MAGI2: variants seen among roughly 807,000 people sequenced by gnomAD.
MAGI2 encodes the protein membrane associated guanylate kinase, WW and PDZ domain containing 2.
Under a neutral mutation model 133.3 loss-of-function variants are expected in MAGI2, and 35 were observed. The observed-to-expected ratio is 0.26, with a 90% CI of 0.20 to 0.35. MAGI2 has a LOEUF of 0.35. Ranked by LOEUF, MAGI2 falls within the 10% of genes least tolerant of loss-of-function variation. The probability of loss-of-function intolerance (pLI) is 1.00; values close to 1 mark genes in which losing one functional copy is unlikely to be tolerated. For synonymous variants in MAGI2, 729 were observed against 710.6 expected (o/e 1.03, Z -0.41); for missense variants, 1,636 against 1,863.4 (o/e 0.88, Z 2.25).
At chr7:78,575,112 G>A (rs1476147060) in intron 3 of MAGI2, among the ~76,000 whole-genome samples, 3 of 151,604 alleles carry the variant, frequency 2.0e-5, no homozygotes, top group Admixed American at 2.0e-4. Flanking sequence ...AACAACACAG[G>A]GTTGCCACAT....
chr7:78,985,520 C>A (rs1413126562), intron 2 of MAGI2, among the ~76,000 whole-genome samples: 3 of 151,992 alleles, frequency 2.0e-5, no homozygotes, highest in Admixed American at 6.6e-5. Flanking sequence ...AATAAAGTAC[C>A]AACCAACTGT....
At chr7:78,344,741 T>C (rs1254536525) in intron 8 of MAGI2, among the ~76,000 whole-genome samples, 1 of 152,228 alleles carries the variant, frequency 6.6e-6, no homozygotes, top group Non-Finnish European at 1.5e-5. Context: ...AATATGTTGA[T>C]AGATTCAAAT....
At chr7:79,436,089 C>G (rs1563221739) in intron 1 of MAGI2, among the ~76,000 whole-genome samples, 1 of 151,912 alleles carries the variant, frequency 6.6e-6, no homozygotes, top group African/African-American at 2.4e-5. Flanking sequence ...AAATGGATCC[C>G]TATATATTAT....
At chr7:78,780,507 A>G (rs1006952897) in intron 2 of MAGI2, among the ~76,000 whole-genome samples, 4 of 152,224 alleles carry the variant, frequency 2.6e-5, no homozygotes, top group Non-Finnish European at 5.9e-5. Context: ...TTTTCAAATT[A>G]GGCAGATTAC....
chr7:79,416,679 G>C (rs1185440711), intron 1 of MAGI2, among the ~76,000 whole-genome samples: 2 of 151,042 alleles, frequency 1.3e-5, no homozygotes, highest in Non-Finnish European at 2.9e-5. Flanking sequence ...GTAGGACACA[G>C]GGTACACAGA....
intron 2 of MAGI2, among the ~76,000 whole-genome samples, chr7:78,833,032 A>T (rs1475596876): frequency 6.6e-6 from 1 of 152,182 alleles, no homozygotes. Flanking sequence ...GGGTTAAGGC[A>T]TACTGCCTTC....
At chr7:79,012,017 T>C (rs966689110) in intron 1 of MAGI2, 1 of 151,756 alleles carries the variant, frequency 6.6e-6, no homozygotes, top group African/African-American at 2.4e-5. Context: ...TATCATTCAG[T>C]ACATGTAGTG....
chr7:79,064,586 A>C (rs1814117533), intron 1 of MAGI2, among the ~76,000 whole-genome samples: 1 of 152,004 alleles, frequency 6.6e-6, no homozygotes, highest in Non-Finnish European at 1.5e-5. Flanking sequence ...TACACATAGA[A>C]CCCTACAAGT....
chr7:78,830,759 C>T (rs921672633), intron 2 of MAGI2, among the ~76,000 whole-genome samples: 1 of 152,052 alleles, frequency 6.6e-6, no homozygotes, highest in African/African-American at 2.4e-5. Context: ...GGCAGAAAAG[C>T]TCAGAAAAGG....
chr7:78,811,941 GTGAC>G (rs1789101350), intron 2 of MAGI2, among the ~76,000 whole-genome samples: 1 of 152,180 alleles, frequency 6.6e-6, no homozygotes. Context: ...GTTGAATCTG[GTGAC>G]ATGAATTCTT....
At chr7:78,465,104 A>C (rs934936780) in intron 6 of MAGI2, among the ~76,000 whole-genome samples, 1 of 152,186 alleles carries the variant, frequency 6.6e-6, no homozygotes, top group Non-Finnish European at 1.5e-5. Context: ...CAGGCAAAAA[A>C]ACTCACAAAA....
At chr7:79,319,742 T>G (rs2129561501) in intron 1 of MAGI2, among the ~76,000 whole-genome samples, 1 of 152,292 alleles carries the variant, frequency 6.6e-6, no homozygotes, top group Non-Finnish European at 1.5e-5. Context: ...AAACTAATTT[T>G]ATTTTGCTCT....
chr7:78,432,045 G>A (rs1197799922), intron 6 of MAGI2, among the ~76,000 whole-genome samples: 4 of 151,860 alleles, frequency 2.6e-5, no homozygotes, highest in South Asian at 2.1e-4. Flanking sequence ...AAAAGCATAA[G>A]TGAAATAAAA....
Position 78,019,960 on chromosome 7 carries a change from C to A in MAGI2, c.3723G>T (p.Trp1241Cys). The change falls in exon 22 of 22, where the codon TGG becomes TGT. Residue 1241 changes from tryptophan to cysteine, a missense_variant. This residue lies in a region of MAGI2 where 354 missense variants were observed against 298.7 expected (regional missense o/e 1.19). Coordinates refer to ENST00000354212, the MANE Select transcript of MAGI2 (RefSeq NM_012301.4). ...QVPEYDEPAP[W>C]SSPAAAAPGL... ...CTGGGGCGGCGGCAGCGGGAGAACT[C>A]CAGGGGGCGGGTTCGTCTGTGGACG... 2 of 1,606,706 alleles carry A rather than the reference C, an allele frequency of 1.2e-6. No individual in the cohort carries two copies. The highest frequency in any genetic ancestry group is 1.7e-6 in the Non-Finnish European group (2 of 1,177,440).
At chr7:79,310,463 G>A (rs909342897) in intron 1 of MAGI2, among the ~76,000 whole-genome samples, 3 of 152,068 alleles carry the variant, frequency 2.0e-5, no homozygotes, top group African/African-American at 7.2e-5. Context: ...TGATATGCCT[G>A]GGATCCAGAG....
intron 14 of MAGI2, among the ~76,000 whole-genome samples, chr7:78,176,174 T>C (rs1480797976): frequency 6.6e-6 from 1 of 152,104 alleles, no homozygotes; most frequent in Non-Finnish European, 1.5e-5. Context: ...CCTTGTGACA[T>C]GAGATTCTTA....
intron 1 of MAGI2, among the ~76,000 whole-genome samples, chr7:79,146,715 T>C (rs756904235): frequency 6.6e-6 from 1 of 152,244 alleles, no homozygotes; most frequent in African/African-American, 2.4e-5. Flanking sequence ...CCATCATGAT[T>C]GTGAGGCCTC....
intron 9 of MAGI2, among the ~76,000 whole-genome samples, chr7:78,264,532 C>T (rs988824332): frequency 6.6e-6 from 1 of 152,106 alleles, no homozygotes; most frequent in Non-Finnish European, 1.5e-5. Context: ...ATCGGGGAAT[C>T]CACTGTATTT....
At chr7:79,050,105 T>C (rs373200341) in intron 1 of MAGI2, among the ~76,000 whole-genome samples, 12 of 152,146 alleles carry the variant, frequency 7.9e-5, no homozygotes, top group African/African-American at 2.9e-4. Flanking sequence ...TCAGGGGCCC[T>C]GAAAGCATTA....
Sources: gnomAD v4.1 joint callset for allele counts (sites outside exome capture counted in the v4.1 genomes callset) on GRCh38, gnomAD v4.1.1 for gene constraint, gnomAD v4.1.1 regional missense constraint, MANE v1.5 for transcripts, NCBI Gene and HGNC (gene_info 2026-07-23, HGNC 2026-07-21) for gene names.